SRSF9: variants seen among roughly 807,000 people sequenced by gnomAD.
SRSF9 encodes serine and arginine rich splicing factor 9, also known as serine/arginine-rich splicing factor 9.
Under a neutral mutation model 25.9 loss-of-function variants are expected in SRSF9, and 3 were observed. The ratio of observed to expected loss-of-function variants is 0.12; its 90% CI spans 0.05 to 0.30. SRSF9 has a LOEUF of 0.30. SRSF9 is among the 10% of genes least tolerant of loss of function. The pLI is 1.00. For missense variants in SRSF9, 161 were observed against 303.5 expected, an observed-to-expected ratio of 0.53 and a Z score of 3.49; for synonymous variants, 114 against 113.2, an observed-to-expected ratio of 1.01 and a Z score of -0.05.
chr12:120,463,063 T>G (rs1300878987), intron 3 of SRSF9: 1 of 152,216 alleles, frequency 6.6e-6, no homozygotes, highest in Non-Finnish European at 1.5e-5. Flanking sequence ...CAGAGACCTG[T>G]GTCCCCAAAC....
intron 3 of SRSF9, chr12:120,463,252 T>C (rs1364359638): frequency 6.6e-6 from 1 of 151,922 alleles, no homozygotes; most frequent in Non-Finnish European, 1.5e-5. Context: ...GTCTGAAGGG[T>C]GACATAATCA....
At chr12:120,467,522 A>T (rs1476510520) in intron 1 of SRSF9, among the ~76,000 whole-genome samples, 2 of 152,128 alleles carry the variant, frequency 1.3e-5, no homozygotes, top group Non-Finnish European at 2.9e-5. Flanking sequence ...TAAATAAATA[A>T]AATTAGCCTG....
chr12:120,465,387 C>A, intron 2 of SRSF9: 2 of 352,272 alleles, frequency 5.7e-6, no homozygotes, highest in Non-Finnish European at 1.0e-5. Context: ...TCCTTCTCAC[C>A]ACTAGAAAAC....
intron 1 of SRSF9, among the ~76,000 whole-genome samples, chr12:120,467,307 T>C (rs1229612429): frequency 2.0e-5 from 3 of 152,222 alleles, no homozygotes; most frequent in South Asian, 4.1e-4. Flanking sequence ...GAGACCAGTC[T>C]GGGCAACCTG....
chr12:120,469,532 G>A lies in SRSF9; in HGVS notation c.78C>T (p.Arg26=), dbSNP rs746071801. The A allele has an allele frequency of 1.9e-6, 3 of 1,590,916 alleles. No homozygotes were observed. The highest frequency in any genetic ancestry group is 1.7e-5 in the Admixed American group (1 of 57,582). Residue 26 remains arginine (R), a synonymous_variant, in exon 1 of 4, where the codon CGC becomes CGT. Coordinates refer to ENST00000229390, the MANE Select transcript of SRSF9 (RefSeq NM_003769.3). The part of the protein sequence containing the change: ...IYVGNLPTDV[R]EKDLEDLFYK... ...AGAACAGGTCCTCCAAGTCCTTCTC[G>A]CGCACGTCGGTCGGAAGGTTCCCCA...
chr12:120,469,483 T>A lies in SRSF9; in HGVS notation c.127A>T (p.Ile43Phe). ...LFYKYGRIRE[I>F]ELKNRHGLVP... The stretch of plus-strand genomic sequence containing the variant: ...AGGCCGTGCCGGTTCTTGAGCTCGA[T>A]CTCGCGGATGCGGCCGTACTTGTAG... Residue 43 changes from isoleucine to phenylalanine, a missense_variant, in exon 1 of 4, where the codon ATC becomes TTC. Physicochemically the swap from Ile to Phe is conservative, Grantham distance 21. Coordinates refer to ENST00000229390, the MANE Select transcript of SRSF9 (RefSeq NM_003769.3). The A allele has an allele frequency of 6.2e-7, 1 of 1,601,972 alleles. No homozygotes were observed. Among genetic ancestry groups the A allele is most frequent in the Non-Finnish European group, 8.5e-7 (1 of 1,175,390 alleles).
chr12:120,465,912 C>A lies in SRSF9; in HGVS notation c.189-125G>T, dbSNP rs1393440651. On this transcript the variant is annotated intron_variant, in intron 1 of 3. Coordinates refer to ENST00000229390, the MANE Select transcript of SRSF9 (RefSeq NM_003769.3). ...GGGAAACCTAGAGTGAAGAAAAAAA[C>A]ACACAAATCAGGATCCTGAAGCACT... 2.2e-5 allele frequency: 20 copies of A among 922,046 alleles called. 1 individual carries two copies. In the South Asian group the frequency reaches 3.7e-4, roughly 17 times the overall value. 57.1% of individuals were successfully genotyped at this position (922,046 alleles called of 1,614,324 possible).
intron 1 of SRSF9, among the ~76,000 whole-genome samples, chr12:120,468,910 G>A (rs1412799430): frequency 6.6e-6 from 1 of 152,130 alleles, no homozygotes; most frequent in Admixed American, 6.5e-5. Flanking sequence ...CCCGGGCCCT[G>A]GCCTGCGGGG....
In SRSF9 at chr12:120,469,730, GC is replaced by G. The variant is rs1257699473; in HGVS notation, c.-122del. 3.6e-6 allele frequency: 2 copies of G among 561,560 alleles called. No individual in the cohort carries two copies. Among genetic ancestry groups the G allele is most frequent in the Non-Finnish European group, 5.0e-6 (2 of 399,460 alleles). The allele number at this position is 561,560 out of a possible 1,614,324, so 34.8% of individuals were successfully genotyped here. On this transcript the variant is annotated 5_prime_UTR_variant, in exon 1 of 4. Coordinates refer to ENST00000229390, the MANE Select transcript of SRSF9 (RefSeq NM_003769.3). ...CTCAGCCGCACTGCATTGTGGGAAC[GC>G]GGAGCGGAAGCGAAGGGGTCGGCGG... is the stretch of plus-strand genomic sequence containing the variant.
At position 120,466,786 on chromosome 12, in the gene SRSF9, C is replaced by A. The variant is rs545567413; in HGVS notation, c.189-999G>T. Among the ~76,000 whole-genome samples, 5 of 152,302 alleles carry A rather than the reference C, an allele frequency of 3.3e-5. No individual in the cohort carries two copies. The Middle Eastern group carries it at 0.014, about 414-fold the overall frequency. ...CCTGGGCTCAGGCGATCCTTCCCCT[C>A]AGTCTCCCAAAGTGCTAGGATTACA... is the stretch of plus-strand genomic sequence containing the variant. On this transcript the variant is annotated intron_variant, in intron 1 of 3. Transcript: ENST00000229390.
chr12:120,464,154 C>T, intron 2 of SRSF9, 32 bp from the exon 3 acceptor site: 1 of 1,596,452 alleles, frequency 6.3e-7, no homozygotes, highest in Non-Finnish European at 8.5e-7. Flanking sequence ...AAGCCCACAT[C>T]CTTCAGCTAT....
chr12:120,463,834 G>C (rs529394906), intron 3 of SRSF9, 116 bp downstream of exon 3: 3 of 1,209,354 alleles, frequency 2.5e-6, no homozygotes, highest in South Asian at 1.6e-5. Context: ...ACCTAAGATA[G>C]ATCTCTTATG....
At chr12:120,469,023 C>G (rs2137053008) in intron 1 of SRSF9, among the ~76,000 whole-genome samples, 1 of 152,084 alleles carries the variant, frequency 6.6e-6, no homozygotes, top group Admixed American at 6.5e-5. Context: ...GAGCACGGGC[C>G]GGGGGAGAGG....
chr12:120,463,059 C>T (rs551193519), intron 3 of SRSF9: 124 of 152,284 alleles, frequency 8.1e-4, no homozygotes, highest in African/African-American at 2.8e-3. Flanking sequence ...AGCCCAGAGA[C>T]CTGTGTCCCC....
intron 2 of SRSF9, 30 bp downstream of exon 2, chr12:120,465,597 A>G: frequency 3.2e-6 from 5 of 1,555,698 alleles, no homozygotes; most frequent in Non-Finnish European, 4.3e-6. Flanking sequence ...TTTTACATGT[A>G]TCATCTCATT....
rs1878351281 is a variant in SRSF9 at position 120,461,909 on chromosome 12, A to C, written c.*110T>G. On this transcript the variant is annotated 3_prime_UTR_variant, in exon 4 of 4. Coordinates refer to ENST00000229390, the MANE Select transcript of SRSF9 (RefSeq NM_003769.3). Reference sequence around the variant, plus strand: ...GTTTTTTTTCTTCTTTAAAAAAAAAAAATTAAAAAAATTTCCTAAGACACT... The same window carrying C: ...GTTTTTTTTCTTCTTTAAAAAAAAACAATTAAAAAAATTTCCTAAGACACT... 8.3e-7 allele frequency: 1 copy of C among 1,205,910 alleles called. No homozygotes were observed. The highest frequency in any genetic ancestry group is 1.1e-6 in the Non-Finnish European group (1 of 922,844). The allele number at this position is 1,205,910 out of a possible 1,614,324, so 74.7% of individuals were successfully genotyped here. A position where few individuals can be genotyped will look rare whatever the true frequency, so the allele number is the denominator to read the frequency against.
chr12:120,462,104 C>T lies in SRSF9; in HGVS notation c.581G>A (p.Arg194Gln). The T allele has an allele frequency of 1.2e-6, 2 of 1,612,124 alleles. No individual in the cohort carries two copies. The highest frequency in any genetic ancestry group is 8.5e-7 in the Non-Finnish European group (1 of 1,179,838). The change falls in exon 4 of 4, where the codon CGG becomes CAG. Residue 194 changes from arginine to glutamine, a missense_variant. This residue lies in a region of SRSF9 where 41 missense variants were observed against 126.7 expected (regional missense o/e 0.32). Coordinates refer to ENST00000229390, the MANE Select transcript of SRSF9 (RefSeq NM_003769.3). ...ACGGCCCCTTGACCCAGACCGAGAC[C>T]GTGAGTAGCCATAGCTGGTGCTTCT... ...PERSTSYGYSRSRSGSRGRDS... is the reference protein window; with the variant it reads ...PERSTSYGYSQSRSGSRGRDS...
chr12:120,467,728 G>A (rs1275813017), intron 1 of SRSF9, among the ~76,000 whole-genome samples: 4 of 151,718 alleles, frequency 2.6e-5, no homozygotes, highest in Admixed American at 6.6e-5. Context: ...ATTATGAAAG[G>A]AATGAGGGAA....
At chr12:120,462,630 A>G (rs1232478480) in intron 3 of SRSF9, 1 of 152,780 alleles carries the variant, frequency 6.5e-6, no homozygotes. Flanking sequence ...TTTAGACGTT[A>G]TCCTCTTGCT....
Sources: allele counts gnomAD v4.1 joint callset (sites outside exome capture counted in the v4.1 genomes callset), GRCh38; gene constraint gnomAD v4.1.1; regional missense constraint gnomAD v4.1.1; transcripts MANE v1.5; gene names NCBI Gene and HGNC (gene_info 2026-07-23, HGNC 2026-07-21).